TRMT11: variants seen among roughly 807,000 people sequenced by gnomAD.
TRMT11 encodes the protein tRNA methyltransferase 11.
A neutral mutation model predicts 62.8 loss-of-function variants in TRMT11; 53 were observed. The observed-to-expected ratio is 0.84, with a 90% CI of 0.68 to 1.06. The LOEUF (loss-of-function observed/expected upper bound fraction) is 1.06. Among genes scored for constraint, TRMT11 ranks in the 50% least tolerant of loss-of-function variants. The pLI is 0.00. For synonymous variants in TRMT11, 188 were observed against 190.3 expected, an observed-to-expected ratio of 0.99 and a Z score of 0.10; for missense variants, 556 against 553.4, an observed-to-expected ratio of 1.00 and a Z score of -0.05.
At chr6:126,111,538 C>G (rs1417084141) in intron 17 of TRMT11, among the ~76,000 whole-genome samples, 1 of 152,118 alleles carries the variant, frequency 6.6e-6, no homozygotes, top group Non-Finnish European at 1.5e-5. Flanking sequence ...TTTCCCAGCA[C>G]CAGATCACCT....
chr6:126,187,752 G>T (rs567727125), intron 1 of TRMT11, among the ~76,000 whole-genome samples: 1 of 151,960 alleles, frequency 6.6e-6, no homozygotes, highest in South Asian at 2.1e-4. Context: ...AGACACTGAG[G>T]TGATGGGGTA....
chr6:126,112,735 T>C (rs886120508), intron 17 of TRMT11, among the ~76,000 whole-genome samples: 8 of 152,152 alleles, frequency 5.3e-5, no homozygotes, highest in African/African-American at 1.9e-4. Flanking sequence ...CTGTCATTTC[T>C]ACCACAAATC....
chr6:126,054,505 T>C (rs567323211), intron 17 of TRMT11, among the ~76,000 whole-genome samples: 7 of 152,180 alleles, frequency 4.6e-5, no homozygotes, highest in Non-Finnish European at 8.8e-5. Context: ...GTTGGCCTCC[T>C]GCACCGAGGG....
intron 7 of TRMT11, among the ~76,000 whole-genome samples, chr6:126,001,840 C>T (rs1293902121): frequency 6.6e-6 from 1 of 152,190 alleles, no homozygotes; most frequent in South Asian, 2.1e-4. Flanking sequence ...CTACTGTAAG[C>T]AAAAGCCCTT....
At chr6:126,252,408 G>C in the TRMT11 span, among the ~76,000 whole-genome samples, 13 of 152,202 alleles carry the variant, frequency 8.5e-5, no homozygotes, top group Non-Finnish European at 1.9e-4. Context: ...GGTGCTCTAA[G>C]AGTGACTGTT....
At chr6:126,186,615 C>T (rs1778530349) in intron 1 of TRMT11, among the ~76,000 whole-genome samples, 1 of 152,084 alleles carries the variant, frequency 6.6e-6, no homozygotes, top group African/African-American at 2.4e-5. Flanking sequence ...TTGACTTAGA[C>T]ATCTCACTCA....
intron 17 of TRMT11, among the ~76,000 whole-genome samples, chr6:126,078,676 G>A (rs1331739842): frequency 6.6e-6 from 1 of 152,150 alleles, no homozygotes; most frequent in Non-Finnish European, 1.5e-5. Flanking sequence ...CCCATCAGAG[G>A]AGCCGAAGGT....
intron 7 of TRMT11, among the ~76,000 whole-genome samples, chr6:126,003,009 T>C (rs946843316): frequency 3.3e-5 from 5 of 152,098 alleles, no homozygotes; most frequent in African/African-American, 1.2e-4. Flanking sequence ...TTATTCTGTT[T>C]TAGTTTTGCT....
chr6:125,992,699 G>A (rs978259587), intron 1 of TRMT11, among the ~76,000 whole-genome samples: 1 of 152,214 alleles, frequency 6.6e-6, no homozygotes, highest in Non-Finnish European at 1.5e-5. Context: ...TGGAAGAGCT[G>A]AAAATCAGAT....
intron 17 of TRMT11, among the ~76,000 whole-genome samples, chr6:126,069,414 A>G (rs996287341): frequency 2.6e-5 from 4 of 152,212 alleles, no homozygotes; most frequent in African/African-American, 9.6e-5. Context: ...CCCCAAAGCA[A>G]TAATCATTTT....
chr6:126,083,857 G>T lies in TRMT11; in HGVS notation c.*1438-29009G>T, dbSNP rs548623440. Among the ~76,000 whole-genome samples, 103 of 152,216 alleles carry T rather than the reference G, an allele frequency of 6.8e-4. No individual in the cohort carries two copies. The South Asian group carries it at 0.018, about 27-fold the overall frequency. ...TTTTAAAAATATTGCACATATAAGA[G>T]AAATTATTTTCTGTGTCTCATAATG... is the stretch of plus-strand genomic sequence containing the variant. On this transcript the variant is annotated intron_variant and NMD_transcript_variant, in intron 17 of 22. Coordinates refer to the TRMT11 transcript ENST00000648977.
chr6:126,128,211 T>C (rs1777740356), intron 21 of TRMT11, among the ~76,000 whole-genome samples: 1 of 152,150 alleles, frequency 6.6e-6, no homozygotes. Flanking sequence ...TGAATTAAGA[T>C]GAGAACATAA....
At chr6:126,210,916 T>A in the TRMT11 span, among the ~76,000 whole-genome samples, 1 of 151,980 alleles carries the variant, frequency 6.6e-6, no homozygotes, top group East Asian at 1.9e-4. Context: ...ACTCATCTAC[T>A]CTATCCCCCA....
chr6:126,256,016 G>A, the TRMT11 span, among the ~76,000 whole-genome samples: 1 of 152,138 alleles, frequency 6.6e-6, no homozygotes, highest in Non-Finnish European at 1.5e-5. Context: ...ATGAGGTTGT[G>A]GTCATCTGTC....
downstream of TRMT11, among the ~76,000 whole-genome samples, chr6:126,039,920 TC>T (rs958532021): frequency 1.3e-5 from 2 of 152,240 alleles, no homozygotes; most frequent in African/African-American, 4.8e-5. Context: ...CATCAGGCTA[TC>T]TGCTTTGCTC....
intron 17 of TRMT11, among the ~76,000 whole-genome samples, chr6:126,053,521 G>A (rs948079079): frequency 6.6e-6 from 1 of 152,118 alleles, no homozygotes; most frequent in Admixed American, 6.5e-5. Context: ...GTAACTTAGG[G>A]ACAACCCCTA....
chr6:126,229,914 CT>C, the TRMT11 span, among the ~76,000 whole-genome samples: 2 of 152,026 alleles, frequency 1.3e-5, no homozygotes, highest in Admixed American at 1.3e-4. Context: ...AATCTAACTT[CT>C]TTTTTTCATC....
intron 18 of TRMT11, among the ~76,000 whole-genome samples, chr6:126,114,379 A>T (rs558224237): frequency 8.7e-4 from 132 of 152,166 alleles, no homozygotes; most frequent in Admixed American, 1.8e-3. Flanking sequence ...TCCAGGAAAA[A>T]GTAGAACAGT....
intron 12 of TRMT11, among the ~76,000 whole-genome samples, chr6:126,029,677 C>G (rs1773835172): frequency 6.6e-6 from 1 of 152,226 alleles, no homozygotes; most frequent in African/African-American, 2.4e-5. Context: ...TTTATTGCTA[C>G]TCAAGAAGGT....
Sources: allele counts gnomAD v4.1 joint callset (sites outside exome capture counted in the v4.1 genomes callset), GRCh38; gene constraint gnomAD v4.1.1; transcripts MANE v1.5; gene names NCBI Gene and HGNC (gene_info 2026-07-23, HGNC 2026-07-21).